ASIC1: variants seen among roughly 807,000 people sequenced by gnomAD.
ASIC1 encodes the protein acid sensing ion channel subunit 1, also known as acid-sensing ion channel 1.
ASIC1 carries 21 observed loss-of-function variants against 63.4 expected under a neutral mutation model. The observed-to-expected ratio is 0.33, with a 90% CI of 0.23 to 0.48. ASIC1 has a LOEUF of 0.48. Among genes scored for constraint, ASIC1 ranks in the 20% least tolerant of loss-of-function variants. The probability of loss-of-function intolerance (pLI) is 0.99; values close to 1 mark genes in which losing one functional copy is unlikely to be tolerated. For synonymous variants in ASIC1, 258 were observed against 278.2 expected (o/e 0.93, Z 0.72); for missense variants, 478 against 695.5 (o/e 0.69, Z 3.52).
At position 50,074,078 on chromosome 12, in the gene ASIC1, A is replaced by G; in HGVS notation, c.559-3135A>G. 1 of 1,535,298 alleles carries G rather than the reference A, an allele frequency of 6.5e-7. No homozygotes were observed. Among genetic ancestry groups the G allele is most frequent in the East Asian group, 2.4e-5 (1 of 40,902 alleles). On this transcript the variant is annotated intron_variant, in intron 3 of 11. Transcript: ENST00000447966. This position sits in a 1 kb window ranked among gnomAD's most constrained non-coding sequence, Gnocchi z 4.2. ...TTGGCCCCCATGCTGGGACTGGATG[A>G]AAGTGATGACCCCGGGGTGCCCCTC...
intron 3 of ASIC1, among the ~76,000 whole-genome samples, chr12:50,062,979 A>G (rs1034627156): frequency 7.9e-4 from 120 of 152,238 alleles, no homozygotes; most frequent in Middle Eastern, 3.4e-3. Context: ...GAAGAGGGAG[A>G]AGGGCAGGGC....
intron 3 of ASIC1, among the ~76,000 whole-genome samples, chr12:50,072,407 G>A (rs2137831347): frequency 6.6e-6 from 1 of 152,316 alleles, no homozygotes; most frequent in East Asian, 1.9e-4. Flanking sequence ...CAGTGGCCCT[G>A]AGTAATCAGA....
In ASIC1 at chr12:50,074,212, G is replaced by A. The variant is rs1195673257; in HGVS notation, c.559-3001G>A. On this transcript the variant is annotated intron_variant, in intron 3 of 11. Transcript: ENST00000447966. This position sits in a 1 kb window ranked among gnomAD's most constrained non-coding sequence, Gnocchi z 4.2. ...CATGCTGCTCTATTGCTCCTACCAA[G>A]GGGGACCCTGCGGCCCTCACAACTT... The A allele has an allele frequency of 2.0e-6, 3 of 1,512,314 alleles. No homozygotes were observed. The highest frequency in any genetic ancestry group is 1.8e-6 in the Non-Finnish European group (2 of 1,134,006). 93.7% of individuals were successfully genotyped at this position (1,512,314 alleles called of 1,614,324 possible).
chr12:50,067,864 C>T (rs1391031433), intron 3 of ASIC1, among the ~76,000 whole-genome samples: 1 of 152,166 alleles, frequency 6.6e-6, no homozygotes, highest in Admixed American at 6.5e-5. Flanking sequence ...AAGGCTCAGT[C>T]TCAAGCTTTA....
chr12:50,059,415 C>T lies in ASIC1; in HGVS notation c.362+287C>T, dbSNP rs531426627. Among the ~76,000 whole-genome samples, 1 of 152,326 alleles carries T rather than the reference C, an allele frequency of 6.6e-6. No homozygotes were observed. The highest frequency in any genetic ancestry group is 1.9e-4 in the East Asian group (1 of 5,188). ...GAGTGAGCTTTACCTTCATTCTGGC[C>T]ACTCTGTCTTGACCTTCTCGTCAGT... On this transcript the variant is annotated intron_variant, in intron 2 of 11. Transcript: ENST00000447966. The surrounding 1 kb of genome is among the most constrained non-coding windows in gnomAD (Gnocchi z 4.6).
rs1950686727 is a variant in ASIC1 at position 50,078,928 on chromosome 12, T to C, written c.999T>C (p.Asp333=). The change falls in exon 7 of 12, where the codon GAT becomes GAC. Residue 333 remains aspartate, a synonymous_variant. Coordinates refer to ENST00000447966, the MANE Select transcript of ASIC1 (RefSeq NM_001095.4). This position sits in a 1 kb window ranked among gnomAD's most constrained non-coding sequence, Gnocchi z 6.0. ...ATTGTCTTTTCTCCTCTGTAGGGGA[T>C]GCCCCATACTGTACTCCAGAGCAGT... ...CNCRMVHMPG[D]APYCTPEQYK... 6.2e-7 allele frequency: 1 copy of C among 1,613,904 alleles called. No individual in the cohort carries two copies. The highest frequency in any genetic ancestry group is 1.3e-5 in the African/African-American group (1 of 75,004).
At chr12:50,077,394 A>G in intron 4 of ASIC1, 31 bp downstream of exon 4, 1 of 1,613,422 alleles carries the variant, frequency 6.2e-7, no homozygotes, top group Non-Finnish European at 8.5e-7. Context: ...GCCCCTCTGC[A>G]TGGCTCTAGG....
intron 8 of ASIC1, 85 bp downstream of exon 8, chr12:50,080,140 C>A: frequency 6.7e-7 from 1 of 1,499,642 alleles, no homozygotes; most frequent in East Asian, 2.3e-5. Flanking sequence ...CGGGGGCTGG[C>A]AGGCAGGGGG....
At position 50,082,887 on chromosome 12, in the gene ASIC1, C is replaced by G. The variant is rs1361514164; in HGVS notation, c.*1238C>G. On this transcript the variant is annotated 3_prime_UTR_variant, in exon 12 of 12. Transcript: ENST00000447966. ...CACCCTCTCCCCCAACCCGGGCACC[C>G]TCGGCCCTCCCTGCAGCCTTAACAT... 1 of 152,934 alleles carries G rather than the reference C, an allele frequency of 6.5e-6. No individual in the cohort carries two copies. Among genetic ancestry groups the G allele is most frequent in the Non-Finnish European group, 1.5e-5 (1 of 68,242 alleles). 9.5% of individuals were successfully genotyped at this position (152,934 alleles called of 1,614,324 possible).
chr12:50,067,026 C>T (rs1302639481), intron 3 of ASIC1, among the ~76,000 whole-genome samples: 1 of 152,152 alleles, frequency 6.6e-6, no homozygotes, highest in Non-Finnish European at 1.5e-5. Flanking sequence ...GCTGAAGATG[C>T]TCTTGTCTTA....
At position 50,074,860 on chromosome 12, in the gene ASIC1, CTGTGTGTGTGTGTGTGTG is replaced by C. The variant is rs376276861; in HGVS notation, c.559-2323_559-2306del. ...TATGGACGCCCCACCCCCACCAGCT[CTGTGTGTGTGTGTGTGTG>C]TGTGTGTGTGTGTGTGTGTGTGTGT... is the stretch of plus-strand genomic sequence containing the variant. On this transcript the variant is annotated intron_variant, in intron 3 of 11. Coordinates refer to ENST00000447966, the MANE Select transcript of ASIC1 (RefSeq NM_001095.4). This position sits in a 1 kb window ranked among gnomAD's most constrained non-coding sequence, Gnocchi z 4.2. 0.079 allele frequency among the ~76,000 whole-genome samples: 11,124 copies of C among 141,416 alleles called. 443 individuals are homozygous for C. Among genetic ancestry groups the C allele is most frequent in the Middle Eastern group, 0.16 (45 of 280 alleles). The allele number at this position is 141,416 out of a possible 152,430, so 92.8% of individuals were successfully genotyped here.
At chr12:50,072,652 G>T (rs1051608156) in intron 3 of ASIC1, among the ~76,000 whole-genome samples, 1 of 152,066 alleles carries the variant, frequency 6.6e-6, no homozygotes, top group African/African-American at 2.4e-5. Context: ...GGGGCGGGGG[G>T]CAGGCCAAAA....
chr12:50,070,476 A>G (rs1950588516), intron 3 of ASIC1, among the ~76,000 whole-genome samples: 1 of 151,688 alleles, frequency 6.6e-6, no homozygotes, highest in South Asian at 2.1e-4. Flanking sequence ...GTAATGTGCA[A>G]GTGTGCAGTG....
intron 3 of ASIC1, among the ~76,000 whole-genome samples, chr12:50,064,019 A>G (rs565004407): frequency 6.6e-6 from 1 of 152,232 alleles, no homozygotes; most frequent in Admixed American, 6.5e-5. Context: ...ACTGCCATGC[A>G]GACAGGGGAA....
At chr12:50,060,992 AGTGACAG>A (rs986959843) in intron 3 of ASIC1, among the ~76,000 whole-genome samples, 1 of 152,224 alleles carries the variant, frequency 6.6e-6, no homozygotes, top group African/African-American at 2.4e-5. Flanking sequence ...TCACACAGTT[AGTGACAG>A]GTGACAGGTT....
rs768972731 is a variant in ASIC1, at chr12:50,081,699, C to G, written c.*50C>G. On this transcript the variant is annotated 3_prime_UTR_variant, in exon 12 of 12. Transcript: ENST00000447966. Reference sequence around the variant, plus strand: ...GCCTAGATGGGGAGGACTAGGAGAGCGAGGGGGCCCCCAGCTGCCTCCTCA... The same window carrying G: ...GCCTAGATGGGGAGGACTAGGAGAGGGAGGGGGCCCCCAGCTGCCTCCTCA... 2.5e-6 allele frequency: 4 copies of G among 1,572,746 alleles called. No homozygotes were observed. The highest frequency in any genetic ancestry group is 3.5e-6 in the Non-Finnish European group (4 of 1,154,822).
At chr12:50,080,432 T>A in intron 8 of ASIC1, 66 bp from the exon 9 acceptor site, 1 of 1,504,484 alleles carries the variant, frequency 6.6e-7, no homozygotes, top group Admixed American at 1.8e-5. Context: ...CTTGCCAAGG[T>A]CACCTGGTTA....
In ASIC1 at chr12:50,077,986, C is replaced by A. The variant is rs748483256; in HGVS notation, c.710-14C>A. 1 of 1,604,088 alleles carries A rather than the reference C, an allele frequency of 6.2e-7. No individual in the cohort carries two copies. The highest frequency in any genetic ancestry group is 8.5e-7 in the Non-Finnish European group (1 of 1,174,578). On this transcript the variant is annotated splice_polypyrimidine_tract_variant and intron_variant, in intron 4 of 11. Transcript: ENST00000447966. ...CAGGAGCCCTCCCAACCCACACACT[C>A]CTCATTCCCCTAGACGAGACGTCCT...
chr12:50,069,293 T>TTTAC (rs1304596412), intron 3 of ASIC1, among the ~76,000 whole-genome samples: 54 of 148,930 alleles, frequency 3.6e-4, no homozygotes, highest in African/African-American at 1.3e-3. Flanking sequence ...TATTTATTTA[T>TTTAC]TATTTAATTT....
Sources: gnomAD v4.1 joint callset for allele counts (sites outside exome capture counted in the v4.1 genomes callset) on GRCh38, gnomAD v4.1.1 for gene constraint, Gnocchi (gnomAD v3.1) non-coding constraint, MANE v1.5 for transcripts, NCBI Gene and HGNC (gene_info 2026-07-23, HGNC 2026-07-21) for gene names.